The following DLG2 variants were observed in gnomAD, a reference collection of about 807,000 sequenced individuals.
DLG2 encodes the protein discs large MAGUK scaffold protein 2.
A neutral mutation model predicts 132.5 loss-of-function variants in DLG2; 45 were observed. The observed-to-expected ratio is 0.34, with a 90% CI of 0.27 to 0.44. DLG2 has a LOEUF of 0.44. Among genes scored for constraint, DLG2 ranks in the 20% least tolerant of loss-of-function variants. The pLI is 1.00. For missense variants in DLG2, 1,045 were observed against 1,196.9 expected (o/e 0.87, Z 1.87); for synonymous variants, 424 against 419.6 (o/e 1.01, Z -0.13).
chr11:83,873,249 C>T (rs1006139719), intron 16 of DLG2, among the ~76,000 whole-genome samples: 6 of 152,074 alleles, frequency 3.9e-5, no homozygotes, highest in South Asian at 2.1e-4. Flanking sequence ...AAAAAAAATA[C>T]CTATCTTGTA....
At chr11:83,684,229 CT>C (rs2079327115) in intron 18 of DLG2, among the ~76,000 whole-genome samples, 1 of 152,096 alleles carries the variant, frequency 6.6e-6, no homozygotes, top group African/African-American at 2.4e-5. Flanking sequence ...AGGTCTCTAT[CT>C]GATGAGCTCC....
At chr11:84,941,127 T>C (rs1418671420) in intron 6 of DLG2, among the ~76,000 whole-genome samples, 2 of 152,220 alleles carry the variant, frequency 1.3e-5, no homozygotes, top group African/African-American at 4.8e-5. Context: ...TTGGTTACTA[T>C]AGCTCTGTAG....
At chr11:83,790,563 C>G in intron 17 of DLG2, 1 of 1,295,242 alleles carries the variant, frequency 7.7e-7, no homozygotes, top group Non-Finnish European at 1.1e-6. Context: ...ACAGAGCATA[C>G]TTTCAGCCAT....
intron 6 of DLG2, among the ~76,000 whole-genome samples, chr11:85,077,223 A>G (rs1490366476): frequency 6.6e-6 from 1 of 152,048 alleles, no homozygotes; most frequent in East Asian, 1.9e-4. Flanking sequence ...ATGATATGAA[A>G]AAAGGTGTTG....
chr11:84,078,364 C>T (rs1045130370), intron 10 of DLG2, among the ~76,000 whole-genome samples: 19 of 152,086 alleles, frequency 1.2e-4, no homozygotes, highest in African/African-American at 4.6e-4. Context: ...TGTTGCTTTT[C>T]AATTTTATTA....
At chr11:84,260,799 T>C (rs2097539705) in intron 7 of DLG2, among the ~76,000 whole-genome samples, 1 of 152,208 alleles carries the variant, frequency 6.6e-6, no homozygotes, top group Non-Finnish European at 1.5e-5. Context: ...CTCTAAGCCC[T>C]TTGCTTTTCA....
At position 84,273,058 on chromosome 11, in the gene DLG2, A is replaced by T. The variant is rs576236904; in HGVS notation, c.520-21767T>A. ...GAAAATAACTATGATCATCAAATGC[A>T]CAGAATTTATACATTTCTCTATAGA... is the stretch of plus-strand genomic sequence containing the variant. On this transcript the variant is annotated intron_variant, in intron 7 of 27. Transcript: ENST00000376104. 31 of 1,107,430 alleles carry T rather than the reference A, an allele frequency of 2.8e-5. No individual in the cohort carries two copies. In the African/African-American group the frequency reaches 4.6e-4, roughly 16 times the overall value. The allele number at this position is 1,107,430 out of a possible 1,614,324, so 68.6% of individuals were successfully genotyped here.
chr11:84,857,758 C>T (rs2154026619), intron 6 of DLG2, among the ~76,000 whole-genome samples: 1 of 152,180 alleles, frequency 6.6e-6, no homozygotes, highest in East Asian at 1.9e-4. Context: ...TGTACTTTCA[C>T]ATCTTGTCTT....
rs566635441 is a variant in DLG2, at chr11:83,889,772, T to C, written c.1497-15284A>G. On this transcript the variant is annotated intron_variant, in intron 15 of 27. Transcript: ENST00000376104. The stretch of plus-strand genomic sequence containing the variant: ...GGCACATATACACCATGGAATACTA[T>C]GCAGCCATAAAAAAACAGTGAGTTC... Among the ~76,000 whole-genome samples, 113 of 152,126 alleles carry C rather than the reference T, an allele frequency of 7.4e-4. 1 individual carries two copies. The highest frequency in any genetic ancestry group is 2.6e-3 in the African/African-American group (107 of 41,498).
intron 16 of DLG2, among the ~76,000 whole-genome samples, chr11:83,855,568 G>C (rs144868541): frequency 6.6e-6 from 1 of 152,184 alleles, no homozygotes; most frequent in Non-Finnish European, 1.5e-5. Context: ...AAGCCAATCT[G>C]AAAAGGCTAC....
chr11:84,748,316 G>T (rs1183307328), intron 6 of DLG2, among the ~76,000 whole-genome samples: 1 of 152,146 alleles, frequency 6.6e-6, no homozygotes, highest in East Asian at 1.9e-4. Flanking sequence ...AAATGAGGAA[G>T]ACTTGGGCCC....
chr11:85,278,542 G>A (rs2078036803), intron 4 of DLG2, among the ~76,000 whole-genome samples: 1 of 152,152 alleles, frequency 6.6e-6, no homozygotes, highest in East Asian at 1.9e-4. Flanking sequence ...GGAGATTGCG[G>A]TGAGCCGAGA....
At chr11:83,599,464 C>G (rs2058166105) in intron 19 of DLG2, among the ~76,000 whole-genome samples, 1 of 152,168 alleles carries the variant, frequency 6.6e-6, no homozygotes, top group Non-Finnish European at 1.5e-5. Flanking sequence ...CATTGGTTTT[C>G]TAATAAACAC....
chr11:85,484,551 A>G (rs998372121), intron 3 of DLG2, among the ~76,000 whole-genome samples: 274 of 151,978 alleles, frequency 1.8e-3, no homozygotes, highest in African/African-American at 6.3e-3. Context: ...GGACATCAAC[A>G]GACACTTCTC....
At chr11:84,936,221 C>A (rs1347396935) in intron 6 of DLG2, among the ~76,000 whole-genome samples, 1 of 152,028 alleles carries the variant, frequency 6.6e-6, no homozygotes, top group African/African-American at 2.4e-5. Context: ...GTCCTTTAAC[C>A]CTTCATGTGG....
intron 6 of DLG2, among the ~76,000 whole-genome samples, chr11:84,674,841 T>A (rs17808069): frequency 6.6e-6 from 1 of 152,126 alleles, no homozygotes; most frequent in Non-Finnish European, 1.5e-5. Context: ...CTTCCTTACA[T>A]GGGCTCATCT....
intron 3 of DLG2, among the ~76,000 whole-genome samples, chr11:85,521,673 C>T (rs1247368095): frequency 6.6e-6 from 1 of 152,136 alleles, no homozygotes; most frequent in African/African-American, 2.4e-5. Flanking sequence ...ACAAAATGCT[C>T]ATGGACCTGC....
intron 8 of DLG2, chr11:84,167,057 C>T: frequency 1.9e-6 from 1 of 524,944 alleles, no homozygotes; most frequent in Non-Finnish European, 3.9e-6. Context: ...AGCCTCCTCT[C>T]TACTTTGAGA....
In DLG2 at chr11:85,295,155, A is replaced by C. The variant is rs535591803; in HGVS notation, c.41-9790T>G. The stretch of plus-strand genomic sequence containing the variant: ...ATAATTAACTTTCAATTTCACATCA[A>C]TCATTCAAGATGTAGGAACGTTGTC... On this transcript the variant is annotated intron_variant, in intron 3 of 27. Transcript: ENST00000376104. Among the ~76,000 whole-genome samples, 116 of 152,288 alleles carry C rather than the reference A, an allele frequency of 7.6e-4. No individual in the cohort carries two copies. In the Middle Eastern group the frequency reaches 0.014, roughly 18 times the overall value.
Sources: allele counts gnomAD v4.1 joint callset (sites outside exome capture counted in the v4.1 genomes callset), GRCh38; gene constraint gnomAD v4.1.1; transcripts MANE v1.5; gene names NCBI Gene and HGNC (gene_info 2026-07-23, HGNC 2026-07-21).